Variants in VGLL2 observed in about 807,000 individuals in gnomAD.
VGLL2 encodes vestigial like family member 2, also known as transcription cofactor vestigial-like protein 2.
VGLL2 carries 18 observed loss-of-function variants against 27.0 expected under a neutral mutation model. The ratio of observed to expected loss-of-function variants is 0.67; its 90% CI spans 0.46 to 0.99. The LOEUF (loss-of-function observed/expected upper bound fraction) is 0.99. Among genes scored for constraint, VGLL2 ranks in the 50% least tolerant of loss-of-function variants. The pLI is 0.00. For missense variants in VGLL2, 491 were observed against 452.3 expected (o/e 1.09, Z -0.78); for synonymous variants, 220 against 201.1 (o/e 1.09, Z -0.80).
downstream of VGLL2, chr6:117,273,606 GT>G (rs1021849365): frequency 1.3e-5 from 2 of 151,876 alleles, no homozygotes; most frequent in South Asian, 2.1e-4. Context: ...AAATAACTTA[GT>G]TTTTTTCTAG....
rs1773175091 is a variant in VGLL2, at chr6:117,270,822, C to T, written c.671C>T (p.Pro224Leu). ...LGAQAAPYPRPAAVHEVYAPH... is the reference protein window; with the variant it reads ...LGAQAAPYPRLAAVHEVYAPH... ...GCCCAGGCCGCCCCCTACCCGCGCC[C>T]CGCCGCCGTGCACGAAGTCTACGCG... is the stretch of plus-strand genomic sequence containing the variant. The change falls in exon 3 of 4, where the codon CCC becomes CTC. Residue 224 changes from proline (P) to leucine (L), a missense_variant. Transcript: ENST00000326274. 2 of 1,431,866 alleles carry T rather than the reference C, an allele frequency of 1.4e-6. No homozygotes were observed. Among genetic ancestry groups the T allele is most frequent in the South Asian group, 1.4e-5 (1 of 73,896 alleles). 88.7% of individuals were successfully genotyped at this position (1,431,866 alleles called of 1,614,324 possible).
intron 1 of VGLL2, 130 bp downstream of exon 1, chr6:117,265,974 T>C: frequency 2.4e-6 from 2 of 821,514 alleles, no homozygotes; most frequent in Non-Finnish European, 4.0e-6. Flanking sequence ...GCAGCCGGGA[T>C]GCGGGGATTG....
Position 117,270,621 on chromosome 6 carries a change from C to T in VGLL2, c.470C>T (p.Pro157Leu). 3 of 1,592,138 alleles carry T rather than the reference C, an allele frequency of 1.9e-6. No individual in the cohort carries two copies. Among genetic ancestry groups the T allele is most frequent in the South Asian group, 1.1e-5 (1 of 88,996 alleles). ...NSAYQAPVPP[P>L]LGSPLATAHS... ...GCGTACCAGGCGCCAGTGCCCCCGCCGCTGGGCAGCCCTCTGGCCACCGCG... is the reference window on the plus strand; with the variant it reads ...GCGTACCAGGCGCCAGTGCCCCCGCTGCTGGGCAGCCCTCTGGCCACCGCG... Residue 157 changes from proline to leucine, a missense_variant, in exon 3 of 4, where the codon CCG (proline) becomes CTG (leucine). Coordinates refer to ENST00000326274, the MANE Select transcript of VGLL2 (RefSeq NM_182645.3).
Position 117,268,469 on chromosome 6 carries a change from A to G in VGLL2, c.369A>G (p.Pro123=), listed in dbSNP as rs1221390424. 1 of 1,612,394 alleles carries G rather than the reference A, an allele frequency of 6.2e-7. No homozygotes were observed. Among genetic ancestry groups the G allele is most frequent in the South Asian group, 1.1e-5 (1 of 90,986 alleles). ...CTAGCTGTACCAGCAGCAAAGCACC[A>G]AGGAGCTCTGGGCCCTGGCGAGGTG... ...YSPSCTSSKA[P]RSSGPWRDCS... The change falls in exon 2 of 4, where the codon CCA becomes CCG. Residue 123 remains proline (P), a synonymous_variant. Transcript: ENST00000326274.
At chr6:117,268,058 AG>A in intron 1 of VGLL2, 123 bp from the exon 2 acceptor site, 1 of 1,029,172 alleles carries the variant, frequency 9.7e-7, no homozygotes, top group Non-Finnish European at 1.4e-6. Context: ...TAACAGCACA[AG>A]GCTTAAGCCC....
rs1773114905 is a variant in VGLL2, at chr6:117,268,393, T to A, written c.293T>A (p.Val98Glu). Reference sequence around the variant, plus strand: ...TATTTCCAGGGGGACATCAGCTCCGTGGTGGATGAACATTTCAGCAGGGCC... The same window carrying A: ...TATTTCCAGGGGGACATCAGCTCCGAGGTGGATGAACATTTCAGCAGGGCC... ...FTYFQGDISS[V>E]VDEHFSRALS... Residue 98 changes from valine to glutamate, a missense_variant, in exon 2 of 4, where the codon GTG (valine) becomes GAG (glutamate). By Grantham distance (121) the Val-to-Glu change is moderately radical. Transcript: ENST00000326274. 2.5e-6 allele frequency: 4 copies of A among 1,613,832 alleles called. No homozygotes were observed. In the African/African-American group the frequency reaches 4.0e-5, roughly 16 times the overall value.
chr6:117,267,947 G>A (rs1395228587), intron 1 of VGLL2, among the ~76,000 whole-genome samples: 5 of 152,148 alleles, frequency 3.3e-5, no homozygotes, highest in Non-Finnish European at 7.4e-5. Flanking sequence ...GGAGTCAGAG[G>A]GACCAAGGAC....
At chr6:117,268,862 G>T (rs997384323) in intron 2 of VGLL2, among the ~76,000 whole-genome samples, 2 of 152,036 alleles carry the variant, frequency 1.3e-5, no homozygotes, top group African/African-American at 2.4e-5. Flanking sequence ...CAAGAAAATG[G>T]ATGCAAATAT....
At chr6:117,268,516 G>A in intron 2 of VGLL2, 25 bp downstream of exon 2, 3 of 1,545,226 alleles carry the variant, frequency 1.9e-6, no homozygotes, top group South Asian at 1.2e-5. Context: ...CTGCTGGGAA[G>A]GACCCATAGG....
intron 3 of VGLL2, 75 bp downstream of exon 3, chr6:117,271,139 C>T (rs1281255208): frequency 3.5e-6 from 4 of 1,150,820 alleles, no homozygotes; most frequent in African/African-American, 1.6e-5. Flanking sequence ...GCCTAGACCC[C>T]TTAATCCTCC....
At position 117,265,698 on chromosome 6, in the gene VGLL2, C is replaced by T; in HGVS notation, c.-66C>T. 1 of 1,404,586 alleles carries T rather than the reference C, an allele frequency of 7.1e-7. No homozygotes were observed. Among genetic ancestry groups the T allele is most frequent in the Non-Finnish European group, 1.0e-6 (1 of 993,702 alleles). 87.0% of individuals were successfully genotyped at this position (1,404,586 alleles called of 1,614,324 possible). On this transcript the variant is annotated 5_prime_UTR_variant, in exon 1 of 4. Transcript: ENST00000326274. ...GCGGGTCCAAGCGCCGCCCATGCAG[C>T]ACCCCTGAGCTCCGGGGAAGGAGAG... is the stretch of plus-strand genomic sequence containing the variant.
Position 117,268,398 on chromosome 6 carries a change from G to A in VGLL2, c.298G>A (p.Asp100Asn), listed in dbSNP as rs1773114965. Residue 100 changes from aspartate to asparagine, a missense_variant, in exon 2 of 4, where the codon GAT (aspartate) becomes AAT (asparagine). Coordinates refer to ENST00000326274, the MANE Select transcript of VGLL2 (RefSeq NM_182645.3). Reference sequence around the variant, plus strand: ...CCAGGGGGACATCAGCTCCGTGGTGGATGAACATTTCAGCAGGGCCCTGAG... The same window carrying A: ...CCAGGGGGACATCAGCTCCGTGGTGAATGAACATTTCAGCAGGGCCCTGAG... ...YFQGDISSVV[D>N]EHFSRALSQP... 6.2e-7 allele frequency: 1 copy of A among 1,614,078 alleles called. No individual in the cohort carries two copies. The highest frequency in any genetic ancestry group is 1.3e-5 in the African/African-American group (1 of 75,018).
At chr6:117,272,098 A>G (rs960721834) in intron 3 of VGLL2, among the ~76,000 whole-genome samples, 1 of 118,696 alleles carries the variant, frequency 8.4e-6, no homozygotes, top group Non-Finnish European at 1.6e-5. Context: ...TGTGACTTTC[A>G]CAATAAAACA....
At chr6:117,265,978 G>A (rs1201683071) in intron 1 of VGLL2, 134 bp downstream of exon 1, 5 of 794,102 alleles carry the variant, frequency 6.3e-6, no homozygotes, top group Admixed American at 2.2e-5. Flanking sequence ...CCGGGATGCG[G>A]GGATTGCCGG....
rs749533555 is a variant in VGLL2 at position 117,265,890 on chromosome 6, GT to G, written c.81+49del. The G allele has an allele frequency of 1.6e-5, 25 of 1,561,444 alleles. No homozygotes were observed. The African/African-American group carries it at 3.2e-4, about 20-fold the overall frequency. ...CTTTGGGAAGGAGTGCGCGCCCCCCGTTTGCGGCGGCATGGCCTGTACGCCA... is the reference window on the plus strand; with the variant it reads ...CTTTGGGAAGGAGTGCGCGCCCCCCGTTGCGGCGGCATGGCCTGTACGCCA... On this transcript the variant is annotated intron_variant, in intron 1 of 3. Coordinates refer to ENST00000326274, the MANE Select transcript of VGLL2 (RefSeq NM_182645.3).
chr6:117,267,340 G>A (rs706952), intron 1 of VGLL2, among the ~76,000 whole-genome samples: 51,651 of 151,986 alleles, frequency 0.34, 10,034 homozygotes, highest in African/African-American at 0.54. Context: ...TATGAGACAT[G>A]CCGATTTACC....
rs377044471 is a variant in VGLL2 at position 117,272,505 on chromosome 6, C to T, written c.*11C>T. The stretch of plus-strand genomic sequence containing the variant: ...TCCCTCCTGAGCTGATCTGCTGACC[C>T]AGGGTTTCCCCTTCCCCTTCCCTTC... On this transcript the variant is annotated 3_prime_UTR_variant, in exon 4 of 4. Transcript: ENST00000326274. The T allele has an allele frequency of 3.0e-5, 49 of 1,614,034 alleles. No homozygotes were observed. The African/African-American group carries it at 3.6e-4, about 12-fold the overall frequency.
rs1773225426 is a variant in VGLL2 at position 117,272,628 on chromosome 6, C to T, written c.*134C>T. ...CAGACTTCTCAGTGTGTTGGGAAAA[C>T]CAAAAACCACAACTACAGAAATTCA... On this transcript the variant is annotated 3_prime_UTR_variant, in exon 4 of 4. Transcript: ENST00000326274. 11 of 1,248,262 alleles carry T rather than the reference C, an allele frequency of 8.8e-6. No individual in the cohort carries two copies. Among genetic ancestry groups the T allele is most frequent in the Non-Finnish European group, 1.2e-5 (11 of 893,970 alleles). The allele number at this position is 1,248,262 out of a possible 1,614,324, so 77.3% of individuals were successfully genotyped here. A position where few individuals can be genotyped will look rare whatever the true frequency, so the allele number is the denominator to read the frequency against.
rs1276946658 is a variant in VGLL2, at chr6:117,271,315, AATAATAATG to A, written c.913+260_913+268del. Among the ~76,000 whole-genome samples the A allele has an allele frequency of 1.8e-4, 26 of 141,098 alleles. 1 individual carries two copies. The South Asian group carries it at 2.2e-3, about 12-fold the overall frequency. The allele number at this position is 141,098 out of a possible 152,430, so 92.6% of individuals were successfully genotyped here. ...CTTTTAAAATAATAATAATAATAATAATAATAATGATAATAATAATAATAATAATAATAA... is the reference window on the plus strand; with the variant it reads ...CTTTTAAAATAATAATAATAATAATAATAATAATAATAATAATAATAATAA... On this transcript the variant is annotated intron_variant, in intron 3 of 3. Coordinates refer to ENST00000326274, the MANE Select transcript of VGLL2 (RefSeq NM_182645.3).
Sources: allele counts gnomAD v4.1 joint callset (sites outside exome capture counted in the v4.1 genomes callset), GRCh38; gene constraint gnomAD v4.1.1; transcripts MANE v1.5; gene names NCBI Gene and HGNC (gene_info 2026-07-23, HGNC 2026-07-21).